The following XYLT1 variants were observed in gnomAD, a reference collection of about 807,000 sequenced individuals.
The protein encoded by XYLT1 is xylosyltransferase 1.
XYLT1 carries 36 observed loss-of-function variants against 91.3 expected under a neutral mutation model. The observed-to-expected ratio is 0.39, with a 90% CI of 0.30 to 0.52. The LOEUF (loss-of-function observed/expected upper bound fraction) is 0.52, where lower values mean the gene tolerates loss of function less well. Ranked by LOEUF, XYLT1 falls within the 20% of genes least tolerant of loss-of-function variation. The pLI is 0.68. For missense variants in XYLT1, 1,242 were observed against 1,284.5 expected, an observed-to-expected ratio of 0.97 and a Z score of 0.51; for synonymous variants, 588 against 532.0, an observed-to-expected ratio of 1.11 and a Z score of -1.45.
chr16:17,303,652 A>G (rs531175788), intron 2 of XYLT1, among the ~76,000 whole-genome samples: 78 of 152,350 alleles, frequency 5.1e-4, no homozygotes, highest in African/African-American at 1.6e-3. Flanking sequence ...TTCATTACTA[A>G]TGATATTACA....
At chr16:17,248,865 A>G (rs1233385398) in intron 3 of XYLT1, among the ~76,000 whole-genome samples, 1 of 149,134 alleles carries the variant, frequency 6.7e-6, no homozygotes, top group Admixed American at 6.9e-5. Context: ...CTCATGCCTT[A>G]GCCTCCTGAG....
chr16:17,269,356 A>T (rs1171465594), intron 2 of XYLT1, among the ~76,000 whole-genome samples: 1 of 151,372 alleles, frequency 6.6e-6, no homozygotes, highest in Non-Finnish European at 1.5e-5. Context: ...CCAGCTTTTT[A>T]AATTTTTTGT....
intron 2 of XYLT1, among the ~76,000 whole-genome samples, chr16:17,302,232 A>ATACTACTAC (rs2034406474): frequency 2.0e-5 from 3 of 149,880 alleles, no homozygotes; most frequent in Non-Finnish European, 3.0e-5. Flanking sequence ...ACTACTACTA[A>ATACTACTAC]TAATAATAAT....
intron 8 of XYLT1, among the ~76,000 whole-genome samples, chr16:17,135,721 C>T (rs565085160): frequency 1.3e-5 from 2 of 152,128 alleles, no homozygotes; most frequent in East Asian, 3.8e-4. Context: ...GAGTCAGGGT[C>T]CAGGGTTAAA....
chr16:17,398,795 C>A (rs2035922907), intron 1 of XYLT1, among the ~76,000 whole-genome samples: 1 of 147,214 alleles, frequency 6.8e-6, no homozygotes, highest in African/African-American at 2.5e-5. Flanking sequence ...TCCCTGTGTG[C>A]ATGGCTATGT....
Position 17,259,271 on chromosome 16 carries a change from C to A in XYLT1, c.630G>T (p.Gly210=), listed in dbSNP as rs768790343. ...GAGGCAGCACCTCACCGGGGCCTTT[C>A]CCAGGGAATGTATGTCCTTTTCCTT... The part of the protein sequence containing the change: ...QEKGKGHTFP[G]KGPGEVLPPG... Residue 210 remains glycine, a synonymous_variant, in exon 3 of 12, where the codon GGG becomes GGT. Coordinates refer to ENST00000261381, the MANE Select transcript of XYLT1 (RefSeq NM_022166.4). 1 of 1,614,092 alleles carries A rather than the reference C, an allele frequency of 6.2e-7. No homozygotes were observed. The highest frequency in any genetic ancestry group is 1.3e-5 in the African/African-American group (1 of 75,024).
intron 2 of XYLT1, among the ~76,000 whole-genome samples, chr16:17,278,281 G>C (rs1267565811): frequency 6.6e-6 from 1 of 152,128 alleles, no homozygotes; most frequent in Non-Finnish European, 1.5e-5. Context: ...GACCGCAGTT[G>C]TTCAGGCCAC....
intron 6 of XYLT1, among the ~76,000 whole-genome samples, chr16:17,157,527 G>A (rs896185016): frequency 2.0e-5 from 3 of 152,172 alleles, no homozygotes; most frequent in African/African-American, 7.2e-5. Flanking sequence ...TTTTAAGACT[G>A]GCTAGAAATC....
At chr16:17,196,816 C>T (rs1349652340) in intron 5 of XYLT1, among the ~76,000 whole-genome samples, 1 of 151,846 alleles carries the variant, frequency 6.6e-6, no homozygotes, top group African/African-American at 2.4e-5. Context: ...CACCTATAAT[C>T]CCAGCACTTT....
chr16:17,175,399 C>T (rs1383398911), intron 5 of XYLT1, among the ~76,000 whole-genome samples: 1 of 152,110 alleles, frequency 6.6e-6, no homozygotes, highest in Non-Finnish European at 1.5e-5. Context: ...TTTGCCTTCC[C>T]AACATCATCA....
chr16:17,117,936 A>T lies in XYLT1; in HGVS notation c.2267T>A (p.Phe756Tyr). The change falls in exon 11 of 12, where the codon TTT (phenylalanine) becomes TAT (tyrosine). Residue 756 changes from phenylalanine to tyrosine, a missense_variant. Coordinates refer to ENST00000261381, the MANE Select transcript of XYLT1 (RefSeq NM_022166.4). ...WDAKERLFRN[F>Y]GGLLGPMDEP... The stretch of plus-strand genomic sequence containing the variant: ...ATCCATGGGCCCCAGAAGACCCCCA[A>T]AGTTGCGGAATAGCCTCTCCTTGGC... 2.5e-6 allele frequency: 4 copies of T among 1,613,690 alleles called. No individual in the cohort carries two copies. Among genetic ancestry groups the T allele is most frequent in the Non-Finnish European group, 3.4e-6 (4 of 1,179,690 alleles).
intron 3 of XYLT1, among the ~76,000 whole-genome samples, chr16:17,220,081 T>C (rs1473245059): frequency 6.6e-6 from 1 of 152,134 alleles, no homozygotes; most frequent in Non-Finnish European, 1.5e-5. Context: ...GCAGTTAAGA[T>C]AAGCCTTTAA....
At chr16:17,335,226 CA>C (rs991320867) in intron 2 of XYLT1, among the ~76,000 whole-genome samples, 2 of 149,324 alleles carry the variant, frequency 1.3e-5, no homozygotes, top group African/African-American at 5.0e-5. Context: ...CTCAAAAAAA[CA>C]AAAAAACAAT....
At chr16:17,448,469 C>T (rs1486978824) in intron 1 of XYLT1, among the ~76,000 whole-genome samples, 1 of 152,148 alleles carries the variant, frequency 6.6e-6, no homozygotes, top group East Asian at 1.9e-4. Flanking sequence ...ATTACAATTG[C>T]TGTATTCATT....
At chr16:17,205,700 G>C (rs549400848) in intron 3 of XYLT1, among the ~76,000 whole-genome samples, 1 of 152,282 alleles carries the variant, frequency 6.6e-6, no homozygotes, top group Non-Finnish European at 1.5e-5. Flanking sequence ...CTGACTCCCA[G>C]GGCTGTGTGT....
At chr16:17,205,101 C>G (rs1567322061) in intron 3 of XYLT1, among the ~76,000 whole-genome samples, 1 of 151,998 alleles carries the variant, frequency 6.6e-6, no homozygotes, top group Non-Finnish European at 1.5e-5. Context: ...GTTAACAAGC[C>G]AGGTTTATCG....
chr16:17,139,130 TGAAAAGAAAAACTA>T (rs944640281), intron 7 of XYLT1, among the ~76,000 whole-genome samples: 3 of 152,194 alleles, frequency 2.0e-5, no homozygotes, highest in Non-Finnish European at 4.4e-5. Context: ...ATGTTGGATC[TGAAAAGAAAAACTA>T]GAGGAGAAAC....
At chr16:17,365,455 A>G (rs536485111) in intron 1 of XYLT1, among the ~76,000 whole-genome samples, 1 of 152,310 alleles carries the variant, frequency 6.6e-6, no homozygotes, top group Non-Finnish European at 1.5e-5. Flanking sequence ...ATGTGAATGC[A>G]GGCCAGAATC....
chr16:17,306,614 C>T (rs192938107), intron 2 of XYLT1, among the ~76,000 whole-genome samples: 17 of 151,514 alleles, frequency 1.1e-4, no homozygotes, highest in Admixed American at 4.6e-4. Context: ...TTCCTCTATA[C>T]GTGTGTGTTT....
Sources: gnomAD v4.1 joint callset for allele counts (sites outside exome capture counted in the v4.1 genomes callset) on GRCh38, gnomAD v4.1.1 for gene constraint, MANE v1.5 for transcripts, NCBI Gene and HGNC (gene_info 2026-07-23, HGNC 2026-07-21) for gene names.